B3GALT1: variants seen among roughly 807,000 people sequenced by gnomAD.
B3GALT1 encodes the protein UDP-Gal:betaGlcNAc beta 1,3-galactosyltransferase, polypeptide 1.
A neutral mutation model predicts 23.2 loss-of-function variants in B3GALT1; 10 were observed. The observed-to-expected ratio is 0.43, with a 90% confidence interval of 0.27 to 0.73. The LOEUF is 0.73. Among genes scored for constraint, B3GALT1 ranks in the 30% least tolerant of loss-of-function variants. The pLI is 0.21. For missense variants in B3GALT1, 299 were observed against 405.4 expected, an observed-to-expected ratio of 0.74 and a Z score of 2.25; for synonymous variants, 156 against 141.5, an observed-to-expected ratio of 1.10 and a Z score of -0.73.
At chr2:167,689,788 A>T (rs180729348) in intron 3 of B3GALT1, among the ~76,000 whole-genome samples, 1 of 152,252 alleles carries the variant, frequency 6.6e-6, no homozygotes, top group East Asian at 1.9e-4. Flanking sequence ...ATTTCTGGAT[A>T]TATTTTGAGG....
intron 1 of B3GALT1, among the ~76,000 whole-genome samples, chr2:167,351,494 A>G (rs1236549169): frequency 6.6e-6 from 1 of 152,204 alleles, no homozygotes; most frequent in Non-Finnish European, 1.5e-5. Flanking sequence ...TCTTCATGGC[A>G]TCAAAAATAA....
chr2:167,566,696 G>C (rs527289847), intron 2 of B3GALT1, among the ~76,000 whole-genome samples: 1 of 152,214 alleles, frequency 6.6e-6, no homozygotes, highest in South Asian at 2.1e-4. Context: ...GGTCATCCAG[G>C]CTGAAAGCAT....
At chr2:167,668,544 C>T (rs2105480699) in intron 3 of B3GALT1, among the ~76,000 whole-genome samples, 1 of 152,324 alleles carries the variant, frequency 6.6e-6, no homozygotes, top group Middle Eastern at 3.4e-3. Flanking sequence ...CACCCCTCCC[C>T]CAGCCTCGCT....
rs192513955 is a variant in B3GALT1 at position 167,853,047 on chromosome 2, A to C, written c.-229-15764A>C. ...AATTGAAAAATTAACCTATTGATTG[A>C]GTTATTTTCCCATTTGAGGTAAGGA... On this transcript the variant is annotated intron_variant, in intron 4 of 4. Coordinates refer to ENST00000392690, the MANE Select transcript of B3GALT1 (RefSeq NM_020981.4). Among the ~76,000 whole-genome samples the C allele has an allele frequency of 1.7e-4, 26 of 152,312 alleles. No homozygotes were observed. In the East Asian group the frequency reaches 4.4e-3, roughly 26 times the overall value.
chr2:167,792,087 A>G (rs1010387992), intron 3 of B3GALT1, among the ~76,000 whole-genome samples: 1 of 152,106 alleles, frequency 6.6e-6, no homozygotes, highest in Non-Finnish European at 1.5e-5. Context: ...AAAAAGAACA[A>G]TATAACCTCT....
At chr2:167,742,987 C>T (rs2105278042) in intron 3 of B3GALT1, among the ~76,000 whole-genome samples, 1 of 152,144 alleles carries the variant, frequency 6.6e-6, no homozygotes, top group Admixed American at 6.5e-5. Flanking sequence ...GCTTGGTTTT[C>T]CTTGGTTTTA....
chr2:167,556,065 A>G (rs1683843799), intron 2 of B3GALT1, among the ~76,000 whole-genome samples: 2 of 152,186 alleles, frequency 1.3e-5, no homozygotes, highest in African/African-American at 4.8e-5. Flanking sequence ...AATGCCAAAT[A>G]TTACTGACTT....
intron 2 of B3GALT1, among the ~76,000 whole-genome samples, chr2:167,584,644 G>T (rs558202646): frequency 6.6e-6 from 1 of 152,254 alleles, no homozygotes; most frequent in African/African-American, 2.4e-5. Context: ...TTTTACCTGT[G>T]ATACTTTTGA....
chr2:167,594,218 T>C (rs1406760083), intron 2 of B3GALT1, among the ~76,000 whole-genome samples: 1 of 152,034 alleles, frequency 6.6e-6, no homozygotes, highest in East Asian at 1.9e-4. Context: ...GTCACAGACT[T>C]AGCTCCATCC....
chr2:167,825,469 T>TGTGCGCAC (rs1558992458), intron 4 of B3GALT1, among the ~76,000 whole-genome samples: 4 of 143,998 alleles, frequency 2.8e-5, no homozygotes, highest in African/African-American at 7.6e-5. Context: ...TGCACGTGTG[T>TGTGCGCAC]GTGTGTGTTA....
chr2:167,853,768 T>A (rs1427901901), intron 4 of B3GALT1, among the ~76,000 whole-genome samples: 2 of 152,138 alleles, frequency 1.3e-5, no homozygotes, highest in Non-Finnish European at 2.9e-5. Flanking sequence ...ATGAACTAAG[T>A]AAATTCTCAG....
At chr2:167,480,660 C>T (rs1316451336) in intron 1 of B3GALT1, among the ~76,000 whole-genome samples, 2 of 152,180 alleles carry the variant, frequency 1.3e-5, no homozygotes, top group African/African-American at 4.8e-5. Flanking sequence ...CTTAGGCCTT[C>T]TCTTTACCCA....
At chr2:167,768,123 A>G (rs1688008495) in intron 3 of B3GALT1, among the ~76,000 whole-genome samples, 2 of 152,294 alleles carry the variant, frequency 1.3e-5, no homozygotes, top group South Asian at 4.1e-4. Flanking sequence ...CAGTCCACCA[A>G]TTCCAGTGCT....
intron 3 of B3GALT1, among the ~76,000 whole-genome samples, chr2:167,740,713 C>G (rs766658229): frequency 2.8e-4 from 43 of 152,096 alleles, no homozygotes; most frequent in Non-Finnish European, 5.9e-4. Flanking sequence ...TAAAATATTA[C>G]TAATTTAAAT....
intron 1 of B3GALT1, among the ~76,000 whole-genome samples, chr2:167,395,146 A>G (rs1698075334): frequency 6.6e-6 from 1 of 152,086 alleles, no homozygotes; most frequent in South Asian, 2.1e-4. Flanking sequence ...GGGTGAATGC[A>G]TTTTGCACGT....
At chr2:167,523,193 G>A (rs1683135520) in intron 2 of B3GALT1, among the ~76,000 whole-genome samples, 1 of 152,072 alleles carries the variant, frequency 6.6e-6, no homozygotes, top group Non-Finnish European at 1.5e-5. Context: ...ATTGCTGATT[G>A]TGTGTCAGAT....
At chr2:167,308,884 A>G (rs1435242036) in intron 1 of B3GALT1, among the ~76,000 whole-genome samples, 1 of 152,048 alleles carries the variant, frequency 6.6e-6, no homozygotes, top group Non-Finnish European at 1.5e-5. Context: ...TGATGTCAGT[A>G]TTCAGATTCT....
chr2:167,329,051 G>T (rs1696934796), intron 1 of B3GALT1, among the ~76,000 whole-genome samples: 1 of 151,998 alleles, frequency 6.6e-6, no homozygotes, highest in Admixed American at 6.6e-5. Context: ...GACCTCAGGT[G>T]ATCCACCTAC....
At chr2:167,306,444 A>G (rs1282357035) in intron 1 of B3GALT1, among the ~76,000 whole-genome samples, 2 of 152,052 alleles carry the variant, frequency 1.3e-5, no homozygotes, top group Non-Finnish European at 2.9e-5. Flanking sequence ...CTTTATTTTT[A>G]TGTCCAGTTT....
Sources: gnomAD v4.1 joint callset for allele counts (sites outside exome capture counted in the v4.1 genomes callset) on GRCh38, gnomAD v4.1.1 for gene constraint, MANE v1.5 for transcripts, NCBI Gene and HGNC (gene_info 2026-07-23, HGNC 2026-07-21) for gene names.